GTF2F2: variants seen among roughly 807,000 people sequenced by gnomAD.
The protein encoded by GTF2F2 is ATP-dependent helicase GTF2F2.
In GTF2F2, 23 loss-of-function variants were observed where a neutral mutation model predicts 42.2. The ratio of observed to expected loss-of-function variants is 0.55; its 90% CI spans 0.39 to 0.77. The LOEUF (loss-of-function observed/expected upper bound fraction) is 0.77. GTF2F2 is among the 30% of genes least tolerant of loss of function. GTF2F2 has a pLI of 0.00. For missense variants in GTF2F2, 261 were observed against 287.2 expected, an observed-to-expected ratio of 0.91 and a Z score of 0.66; for synonymous variants, 105 against 100.8, an observed-to-expected ratio of 1.04 and a Z score of -0.25.
chr13:45,237,093 ATAT>A (rs1875031493), intron 5 of GTF2F2, among the ~76,000 whole-genome samples: 1 of 152,220 alleles, frequency 6.6e-6, no homozygotes, highest in African/African-American at 2.4e-5. Context: ...AATCTAAAAA[ATAT>A]TATACCTAAA....
intron 4 of GTF2F2, among the ~76,000 whole-genome samples, chr13:45,191,254 T>TATATATATATATATATAA (rs1872639427): frequency 7.3e-6 from 1 of 136,332 alleles, no homozygotes; most frequent in African/African-American, 2.9e-5. Flanking sequence ...TATATATATA[T>TATATATATATATATATAA]AGCCATAATC....
chr13:45,279,174 A>G (rs1437837452), intron 7 of GTF2F2, among the ~76,000 whole-genome samples: 1 of 151,966 alleles, frequency 6.6e-6, no homozygotes, highest in Admixed American at 6.6e-5. Context: ...TAAACTGTGA[A>G]CTCTGAGAGG....
At chr13:45,278,816 C>CTTTTTCTTTTTTT (rs1373556965) in intron 7 of GTF2F2, among the ~76,000 whole-genome samples, 10 of 62,304 alleles carry the variant, frequency 1.6e-4, no homozygotes, top group Admixed American at 2.2e-4. Flanking sequence ...TTTTCTTTTT[C>CTTTTTCTTTTTTT]TTTTTTTTTT....
chr13:45,160,423 A>G (rs1361974492), intron 4 of GTF2F2, among the ~76,000 whole-genome samples: 2 of 152,206 alleles, frequency 1.3e-5, no homozygotes, highest in Non-Finnish European at 2.9e-5. Flanking sequence ...CTTGCAGTAT[A>G]GAATCTGAAA....
At chr13:45,188,776 A>G (rs1048463931) in intron 4 of GTF2F2, among the ~76,000 whole-genome samples, 12 of 152,154 alleles carry the variant, frequency 7.9e-5, no homozygotes, top group Admixed American at 6.5e-4. Context: ...TTTTCTCCTA[A>G]TATGTCAGTT....
intron 4 of GTF2F2, among the ~76,000 whole-genome samples, chr13:45,190,310 A>G (rs531493974): frequency 7.4e-4 from 112 of 152,212 alleles, no homozygotes; most frequent in Non-Finnish European, 1.2e-3. Context: ...TTTTCACTCA[A>G]TGTTTTAGGA....
chr13:45,182,868 G>A (rs1320034953), intron 4 of GTF2F2, among the ~76,000 whole-genome samples: 1 of 151,920 alleles, frequency 6.6e-6, no homozygotes, highest in Non-Finnish European at 1.5e-5. Flanking sequence ...TGTGGTTGAG[G>A]CCCCACAAGT....
intron 4 of GTF2F2, among the ~76,000 whole-genome samples, chr13:45,172,444 C>T (rs1327966437): frequency 6.6e-6 from 1 of 151,948 alleles, no homozygotes; most frequent in Non-Finnish European, 1.5e-5. Context: ...TACACAAATC[C>T]CTTATTCAGA....
intron 6 of GTF2F2, among the ~76,000 whole-genome samples, chr13:45,254,750 G>T (rs1291584487): frequency 6.6e-6 from 1 of 152,230 alleles, no homozygotes; most frequent in African/African-American, 2.4e-5. Flanking sequence ...TAATAAGTGT[G>T]ATGGTTTCCT....
intron 1 of GTF2F2, 110 bp from the exon 2 acceptor site, chr13:45,136,619 TGATA>T: frequency 1.6e-6 from 1 of 621,026 alleles, no homozygotes; most frequent in Non-Finnish European, 2.9e-6. Flanking sequence ...AGTAGTAACT[TGATA>T]ATGATCCCTT....
intron 7 of GTF2F2, among the ~76,000 whole-genome samples, chr13:45,269,844 T>G (rs1876716744): frequency 6.6e-6 from 1 of 152,204 alleles, no homozygotes; most frequent in African/African-American, 2.4e-5. Flanking sequence ...TGTTTGTTTG[T>G]TTTTGAGATG....
At chr13:45,192,348 A>G (rs1367872137) in intron 4 of GTF2F2, among the ~76,000 whole-genome samples, 1 of 152,174 alleles carries the variant, frequency 6.6e-6, no homozygotes, top group Non-Finnish European at 1.5e-5. Context: ...CTTTTACATT[A>G]CATTAGATGT....
chr13:45,265,057 G>A (rs1402087245), intron 6 of GTF2F2, among the ~76,000 whole-genome samples: 5 of 152,040 alleles, frequency 3.3e-5, no homozygotes, highest in African/African-American at 9.7e-5. Flanking sequence ...TTAGGAGTTC[G>A]AGACCAGCCT....
intron 5 of GTF2F2, among the ~76,000 whole-genome samples, chr13:45,228,870 A>G (rs1486603070): frequency 2.0e-5 from 3 of 151,808 alleles, no homozygotes; most frequent in African/African-American, 4.8e-5. Context: ...GGGTTTCTCC[A>G]TGTTGGTCAG....
At chr13:45,131,920 A>AC (rs1555263584) in intron 1 of GTF2F2, among the ~76,000 whole-genome samples, 1 of 146,208 alleles carries the variant, frequency 6.8e-6, no homozygotes, top group Non-Finnish European at 1.5e-5. Context: ...AAAAAAAAAA[A>AC]AGAGAGAGAG....
chr13:45,156,084 A>G (rs1265871345), intron 4 of GTF2F2, among the ~76,000 whole-genome samples: 1 of 152,020 alleles, frequency 6.6e-6, no homozygotes, highest in Non-Finnish European at 1.5e-5. Context: ...ACAGGCGTGC[A>G]CCACCATGTC....
At chr13:45,228,637 G>A (rs992732570) in intron 5 of GTF2F2, among the ~76,000 whole-genome samples, 2 of 145,482 alleles carry the variant, frequency 1.4e-5, no homozygotes, top group African/African-American at 2.6e-5. Flanking sequence ...TGCTTATCTC[G>A]CCTCATTCTC....
At chr13:45,136,404 G>A (rs1262452051) in intron 1 of GTF2F2, among the ~76,000 whole-genome samples, 2 of 152,198 alleles carry the variant, frequency 1.3e-5, no homozygotes, top group Non-Finnish European at 2.9e-5. Context: ...ACTATAGTGA[G>A]TGCTGTTCTC....
intron 4 of GTF2F2, chr13:45,193,401 A>G (rs1872731500): frequency 6.2e-6 from 1 of 161,334 alleles, no homozygotes; most frequent in Non-Finnish European, 1.3e-5. Context: ...TTAAATATTA[A>G]TAGCCCCTTA....
Sources: gnomAD v4.1 joint callset for allele counts (sites outside exome capture counted in the v4.1 genomes callset) on GRCh38, gnomAD v4.1.1 for gene constraint, MANE v1.5 for transcripts, NCBI Gene and HGNC (gene_info 2026-07-23, HGNC 2026-07-21) for gene names.